PDE8B: variants seen among roughly 807,000 people sequenced by gnomAD.
PDE8B encodes the protein high affinity cAMP-specific and IBMX-insensitive 3',5'-cyclic phosphodiesterase 8B.
In PDE8B, 26 loss-of-function variants were observed where a neutral mutation model predicts 101.3. That is an observed-to-expected ratio of 0.26 (90% CI 0.19 to 0.36). PDE8B has a LOEUF of 0.36. Among genes scored for constraint, PDE8B ranks in the 10% least tolerant of loss-of-function variants. The probability of loss-of-function intolerance (pLI) is 1.00; values close to 1 mark genes in which losing one functional copy is unlikely to be tolerated. For synonymous variants in PDE8B, 424 were observed against 429.3 expected, an observed-to-expected ratio of 0.99 and a Z score of 0.15; for missense variants, 810 against 1,163.1, an observed-to-expected ratio of 0.70 and a Z score of 4.42.
At chr5:77,308,922 T>A (rs1771878537) in intron 1 of PDE8B, among the ~76,000 whole-genome samples, 1 of 152,136 alleles carries the variant, frequency 6.6e-6, no homozygotes, top group Admixed American at 6.5e-5. Context: ...CTCATGCCTG[T>A]AATCCCAGCA....
chr5:77,305,269 C>G (rs570710287), intron 1 of PDE8B, among the ~76,000 whole-genome samples: 4 of 152,264 alleles, frequency 2.6e-5, no homozygotes, highest in African/African-American at 9.6e-5. Context: ...ATATGAAGCC[C>G]AGGTTGAGAA....
the PDE8B span, among the ~76,000 whole-genome samples, chr5:77,204,050 GT>G: frequency 0.14 from 15,850 of 113,352 alleles, 562 homozygotes; most frequent in African/African-American, 0.18. Flanking sequence ...TGTACCCTTA[GT>G]TTTTTTTTTT....
Position 77,274,716 on chromosome 5 carries a change from A to G in PDE8B, c.340-37278A>G, listed in dbSNP as rs115402389. ...CACAGTGTTCACTGAGGAAAAACAGATGGGAAAATACAGGATATTTCAATG... is the reference window on the plus strand; with the variant it reads ...CACAGTGTTCACTGAGGAAAAACAGGTGGGAAAATACAGGATATTTCAATG... On this transcript the variant is annotated intron_variant, in intron 1 of 21. Transcript: ENST00000264917. 3.4e-3 allele frequency among the ~76,000 whole-genome samples: 525 copies of G among 152,312 alleles called. 3 individuals carry two copies. Among genetic ancestry groups the G allele is most frequent in the African/African-American group, 0.012 (490 of 41,566 alleles).
At chr5:77,197,176 G>C in the PDE8B span, among the ~76,000 whole-genome samples, 2,407 of 140,362 alleles carry the variant, frequency 0.017, 54 homozygotes, top group African/African-American at 0.058. Flanking sequence ...GCAGTGGCAT[G>C]ATCTCGGCTC....
intron 1 of PDE8B, among the ~76,000 whole-genome samples, chr5:77,279,837 A>G (rs940862765): frequency 6.6e-6 from 1 of 152,090 alleles, no homozygotes. Context: ...GAGAGTGACA[A>G]TCTCAGTCTC....
chr5:77,147,048 G>T, the PDE8B span: 1 of 438,954 alleles, frequency 2.3e-6, no homozygotes, highest in Non-Finnish European at 4.5e-6. Context: ...AAAGGATATT[G>T]CCTCATACTG....
chr5:77,253,350 G>C (rs1215612204), intron 1 of PDE8B, among the ~76,000 whole-genome samples: 1 of 152,198 alleles, frequency 6.6e-6, no homozygotes, highest in Non-Finnish European at 1.5e-5. Context: ...GAAAGACTAT[G>C]AGAGGTGCTA....
At chr5:77,205,913 G>A (rs1747464363), upstream of PDE8B, among the ~76,000 whole-genome samples, 1 of 151,978 alleles carries the variant, frequency 6.6e-6, no homozygotes, top group Non-Finnish European at 1.5e-5. Context: ...ATTATCTCTA[G>A]TTTCATTATT....
chr5:77,192,214 G>A, the PDE8B span, among the ~76,000 whole-genome samples: 1 of 152,162 alleles, frequency 6.6e-6, no homozygotes, highest in South Asian at 2.1e-4. Flanking sequence ...AAAGTGTACA[G>A]TTTGATGAGT....
intron 10 of PDE8B, among the ~76,000 whole-genome samples, chr5:77,354,546 G>A (rs1045054302): frequency 2.6e-5 from 4 of 152,130 alleles, no homozygotes; most frequent in South Asian, 2.1e-4. Flanking sequence ...AAGAGCTGAC[G>A]CAGGCAGAAA....
chr5:77,400,430 G>T (rs1254868741), intron 11 of PDE8B, 140 bp downstream of exon 11: 9 of 701,918 alleles, frequency 1.3e-5, no homozygotes, highest in Non-Finnish European at 1.8e-5. Flanking sequence ...CATATCACAA[G>T]GTTGGCAAGC....
chr5:77,214,742 A>C (rs1749278718), intron 1 of PDE8B, among the ~76,000 whole-genome samples: 1 of 152,158 alleles, frequency 6.6e-6, no homozygotes. Flanking sequence ...TTGGAGTCAA[A>C]CTTTACGCAA....
At chr5:77,262,066 A>G (rs1322225047) in intron 1 of PDE8B, among the ~76,000 whole-genome samples, 1 of 152,172 alleles carries the variant, frequency 6.6e-6, no homozygotes, top group East Asian at 1.9e-4. Context: ...GTAGCAGGAA[A>G]CATAAGCCTT....
chr5:77,252,087 T>C (rs1337856523), intron 1 of PDE8B, among the ~76,000 whole-genome samples: 1 of 152,162 alleles, frequency 6.6e-6, no homozygotes, highest in Non-Finnish European at 1.5e-5. Context: ...TTCTGCTGAG[T>C]GTGGGGTGTT....
At chr5:77,309,943 C>CTT (rs955296324) in intron 1 of PDE8B, among the ~76,000 whole-genome samples, 19 of 114,154 alleles carry the variant, frequency 1.7e-4, no homozygotes, top group Non-Finnish European at 2.9e-4. Context: ...AATCATTAAT[C>CTT]TTTTTTTTTT....
intron 1 of PDE8B, among the ~76,000 whole-genome samples, chr5:77,218,271 A>G (rs571546322): frequency 6.6e-5 from 10 of 152,326 alleles, no homozygotes; most frequent in African/African-American, 2.4e-4. Flanking sequence ...AGTTCTTGCT[A>G]TTTGCTGAGC....
At chr5:77,374,069 C>T (rs184989954) in intron 10 of PDE8B, among the ~76,000 whole-genome samples, 2 of 152,230 alleles carry the variant, frequency 1.3e-5, no homozygotes, top group South Asian at 2.1e-4. Flanking sequence ...AGTCTGGTCT[C>T]GAACTCCCGA....
chr5:77,155,928 C>T, the PDE8B span, among the ~76,000 whole-genome samples: 1 of 152,100 alleles, frequency 6.6e-6, no homozygotes, highest in Non-Finnish European at 1.5e-5. Context: ...GAAGTTAAGT[C>T]CTGTGTTATT....
At chr5:77,354,250 G>C (rs1195883439) in intron 10 of PDE8B, among the ~76,000 whole-genome samples, 2 of 152,166 alleles carry the variant, frequency 1.3e-5, no homozygotes, top group Non-Finnish European at 2.9e-5. Context: ...AGTAGACAGT[G>C]GGGTGAGCCC....
Sources: gnomAD v4.1 joint callset for allele counts (sites outside exome capture counted in the v4.1 genomes callset) on GRCh38, gnomAD v4.1.1 for gene constraint, MANE v1.5 for transcripts, NCBI Gene and HGNC (gene_info 2026-07-23, HGNC 2026-07-21) for gene names.